CPQ: variants seen among roughly 807,000 people sequenced by gnomAD.
CPQ encodes the protein carboxypeptidase Q.
In CPQ, 37 loss-of-function variants were observed where a neutral mutation model predicts 45.7. The ratio of observed to expected loss-of-function variants is 0.81; its 90% CI spans 0.62 to 1.07. The LOEUF (loss-of-function observed/expected upper bound fraction) is 1.07. Among genes scored for constraint, CPQ ranks in the 50% least tolerant of loss-of-function variants. CPQ has a pLI of 0.00. For synonymous variants in CPQ, 186 were observed against 205.8 expected (o/e 0.90, Z 0.82); for missense variants, 537 against 572.9 (o/e 0.94, Z 0.64).
intron 1 of CPQ, among the ~76,000 whole-genome samples, chr8:96,721,730 G>A (rs1809766659): frequency 6.6e-6 from 1 of 152,044 alleles, no homozygotes; most frequent in Admixed American, 6.6e-5. Flanking sequence ...CTTTAAAGTA[G>A]CTCACAGGTC....
intron 2 of CPQ, among the ~76,000 whole-genome samples, chr8:96,801,508 T>C (rs1811007660): frequency 6.6e-6 from 1 of 152,272 alleles, no homozygotes; most frequent in East Asian, 1.9e-4. Context: ...TAAAAATATG[T>C]TTTTGGTTTT....
intron 1 of CPQ, among the ~76,000 whole-genome samples, chr8:96,649,022 C>A (rs545911024): frequency 6.6e-6 from 1 of 152,376 alleles, no homozygotes; most frequent in East Asian, 1.9e-4. Flanking sequence ...CTCTCTGTCA[C>A]CCAGGCTGGA....
intron 2 of CPQ, among the ~76,000 whole-genome samples, chr8:96,797,151 T>C (rs777735745): frequency 5.9e-5 from 9 of 152,194 alleles, no homozygotes. Flanking sequence ...TGCTTGTCTC[T>C]GAAACAGCAG....
chr8:96,687,869 A>C (rs922430144), intron 1 of CPQ, among the ~76,000 whole-genome samples: 3 of 152,062 alleles, frequency 2.0e-5, no homozygotes, highest in Admixed American at 1.3e-4. Flanking sequence ...AAACTGTCAA[A>C]GTTTTTTTTT....
At chr8:97,077,421 G>A (rs1477276808) in intron 7 of CPQ, among the ~76,000 whole-genome samples, 1 of 152,176 alleles carries the variant, frequency 6.6e-6, no homozygotes, top group Non-Finnish European at 1.5e-5. Flanking sequence ...ATAGCAACAG[G>A]AGGTAGCTAT....
At chr8:96,857,435 C>T (rs571801191) in intron 3 of CPQ, among the ~76,000 whole-genome samples, 7 of 152,278 alleles carry the variant, frequency 4.6e-5, no homozygotes, top group Non-Finnish European at 1.0e-4. Flanking sequence ...TTCAAAAGAG[C>T]TTTGTTTGCC....
At chr8:96,649,196 C>T (rs1815551132) in intron 1 of CPQ, among the ~76,000 whole-genome samples, 1 of 152,202 alleles carries the variant, frequency 6.6e-6, no homozygotes, top group Admixed American at 6.5e-5. Context: ...AGGTTGATCT[C>T]GACCTTCTGG....
intron 7 of CPQ, among the ~76,000 whole-genome samples, chr8:97,089,940 C>T (rs544305273): frequency 8.5e-5 from 13 of 152,220 alleles, no homozygotes; most frequent in African/African-American, 1.4e-4. Flanking sequence ...AGTTCCCCTG[C>T]GGGCTAAGAA....
intron 5 of CPQ, among the ~76,000 whole-genome samples, chr8:97,017,679 G>T (rs181478693): frequency 7.6e-4 from 116 of 152,222 alleles, no homozygotes; most frequent in Non-Finnish European, 1.3e-3. Context: ...AGCAGAGAGA[G>T]CCATAATCCT....
chr8:97,097,808 G>A (rs939579594), intron 7 of CPQ, among the ~76,000 whole-genome samples: 1 of 151,222 alleles, frequency 6.6e-6, no homozygotes, highest in Non-Finnish European at 1.5e-5. Flanking sequence ...CAGACAAGGA[G>A]AGAGAGAGAG....
chr8:97,074,878 TTC>T (rs756565557), intron 7 of CPQ, among the ~76,000 whole-genome samples: 1 of 152,102 alleles, frequency 6.6e-6, no homozygotes, highest in Non-Finnish European at 1.5e-5. Context: ...TGACACCACT[TTC>T]CTAATTCATC....
intron 4 of CPQ, among the ~76,000 whole-genome samples, chr8:96,905,760 C>CAAAAAAA (rs747470074): frequency 3.1e-5 from 2 of 64,852 alleles, no homozygotes; most frequent in African/African-American, 1.1e-4. Flanking sequence ...CTGTCTTAAC[C>CAAAAAAA]AAAAAAAAAA....
chr8:96,934,334 C>T (rs1813016102), intron 4 of CPQ, among the ~76,000 whole-genome samples: 4 of 152,148 alleles, frequency 2.6e-5, no homozygotes, highest in South Asian at 2.1e-4. Flanking sequence ...AGAAAGCCCT[C>T]GGGCTGGATG....
chr8:96,923,688 G>C (rs1812838123), intron 4 of CPQ, among the ~76,000 whole-genome samples: 1 of 152,138 alleles, frequency 6.6e-6, no homozygotes, highest in African/African-American at 2.4e-5. Context: ...TGAGAGATAA[G>C]ATGCTCTGTT....
chr8:96,708,433 GTGTGTATA>G (rs1278774832), intron 1 of CPQ, among the ~76,000 whole-genome samples: 45 of 126,886 alleles, frequency 3.5e-4, no homozygotes, highest in East Asian at 1.1e-3. Flanking sequence ...GTGTGTGTGT[GTGTGTATA>G]TATATATATA....
At chr8:96,853,904 A>G (rs1352307508) in intron 3 of CPQ, among the ~76,000 whole-genome samples, 1 of 152,202 alleles carries the variant, frequency 6.6e-6, no homozygotes, top group Non-Finnish European at 1.5e-5. Context: ...AAGTTTCATT[A>G]ACAATTTAAG....
At chr8:97,012,366 G>A (rs1462265685) in intron 5 of CPQ, among the ~76,000 whole-genome samples, 1 of 152,216 alleles carries the variant, frequency 6.6e-6, no homozygotes, top group Non-Finnish European at 1.5e-5. Context: ...GTGTTTCAAT[G>A]TATTAAATGT....
chr8:96,785,191 T>C lies in CPQ; in HGVS notation c.294T>C (p.Asp98=), dbSNP rs755247748. Residue 98 remains aspartate (D), a synonymous_variant, in exon 2 of 8, where the codon GAT becomes GAC. Coordinates refer to ENST00000220763, the MANE Select transcript of CPQ (RefSeq NM_016134.4). ...TTATGTACCAAAACCTGCAGCAAGATGGGCTGGAGAAAGTTCACCTGGAGC... is the reference window on the plus strand; with the variant it reads ...TTATGTACCAAAACCTGCAGCAAGACGGGCTGGAGAAAGTTCACCTGGAGC... The part of the protein sequence containing the change: ...IQIMYQNLQQ[D]GLEKVHLEPV... 1.2e-6 allele frequency: 2 copies of C among 1,613,524 alleles called. No individual in the cohort carries two copies. Among genetic ancestry groups the C allele is most frequent in the South Asian group, 2.2e-5 (2 of 91,062 alleles).
chr8:96,981,447 A>G (rs1813894185), intron 5 of CPQ, among the ~76,000 whole-genome samples: 1 of 152,204 alleles, frequency 6.6e-6, no homozygotes, highest in Non-Finnish European at 1.5e-5. Flanking sequence ...TAGCCATCCC[A>G]TATTCACTTG....
Sources: allele counts gnomAD v4.1 joint callset (sites outside exome capture counted in the v4.1 genomes callset), GRCh38; gene constraint gnomAD v4.1.1; transcripts MANE v1.5; gene names NCBI Gene and HGNC (gene_info 2026-07-23, HGNC 2026-07-21).